The following THRB variants were observed in gnomAD, a reference collection of about 807,000 sequenced individuals.
THRB encodes the protein nuclear receptor subfamily 1 group A member 2.
In THRB, 12 loss-of-function variants were observed where a neutral mutation model predicts 47.8. The observed-to-expected ratio is 0.25, with a 90% CI of 0.16 to 0.41. The LOEUF (loss-of-function observed/expected upper bound fraction) is 0.41. Among genes scored for constraint, THRB ranks in the 10% least tolerant of loss-of-function variants. The pLI, the probability that THRB is intolerant of heterozygous loss-of-function variation, is 1.00. For missense variants in THRB, 348 were observed against 589.2 expected, an observed-to-expected ratio of 0.59 and a Z score of 4.24; for synonymous variants, 218 against 212.2, an observed-to-expected ratio of 1.03 and a Z score of -0.24.
intron 1 of THRB, among the ~76,000 whole-genome samples, chr3:24,476,514 A>T: frequency 6.6e-6 from 1 of 152,258 alleles, no homozygotes; most frequent in East Asian, 1.9e-4. Context: ...GCAAAGCTAA[A>T]TGAGTGTTGA....
At chr3:24,125,819 A>T (rs1323576997) in intron 10 of THRB, among the ~76,000 whole-genome samples, 1 of 152,164 alleles carries the variant, frequency 6.6e-6, no homozygotes, top group African/African-American at 2.4e-5. Context: ...ACAAGGGGTG[A>T]CATCAAATTT....
chr3:24,420,141 G>A (rs967274889), intron 1 of THRB, among the ~76,000 whole-genome samples: 1 of 151,930 alleles, frequency 6.6e-6, no homozygotes, highest in African/African-American at 2.4e-5. Context: ...CTTAGCAAAT[G>A]TTAGCTCCTT....
intron 1 of THRB, among the ~76,000 whole-genome samples, chr3:24,398,287 A>G (rs1394249617): frequency 6.6e-6 from 1 of 152,224 alleles, no homozygotes; most frequent in Non-Finnish European, 1.5e-5. Context: ...CATCAGAGTG[A>G]ACAGGCAACC....
intron 4 of THRB, among the ~76,000 whole-genome samples, chr3:24,202,352 C>T (rs1007316790): frequency 1.3e-5 from 2 of 152,038 alleles, no homozygotes; most frequent in African/African-American, 4.8e-5. Context: ...ATATTTGAAC[C>T]CTACACCTCA....
intron 3 of THRB, among the ~76,000 whole-genome samples, chr3:24,254,057 G>C (rs2050952977): frequency 6.6e-6 from 1 of 151,192 alleles, no homozygotes; most frequent in Admixed American, 6.6e-5. Flanking sequence ...ATAACATTTG[G>C]GTTTTTCTAA....
rs1055720077 is a variant in THRB, at chr3:24,366,199, T to C, written c.-260-28828A>G. 1.2e-4 allele frequency among the ~76,000 whole-genome samples: 18 copies of C among 152,208 alleles called. 1 individual carries two copies. The highest frequency in any genetic ancestry group is 2.4e-4 in the African/African-American group (10 of 41,454). ...GCAGTAGAGTATACACATATGTCTA[T>C]GGTACTTATAGCTATCAACCATCGT... is the stretch of plus-strand genomic sequence containing the variant. On this transcript the variant is annotated intron_variant, in intron 1 of 10. Coordinates refer to ENST00000646209, the MANE Select transcript of THRB (RefSeq NM_001354712.2).
At chr3:24,183,679 C>CT (rs35441182) in intron 5 of THRB, among the ~76,000 whole-genome samples, 3,691 of 137,050 alleles carry the variant, frequency 0.027, 84 homozygotes, top group African/African-American at 0.066. Context: ...GGCCTTTCAT[C>CT]TTTTTTTTTT....
At chr3:24,225,649 A>G (rs826223) in intron 4 of THRB, among the ~76,000 whole-genome samples, 25,683 of 152,172 alleles carry the variant, frequency 0.17, 2,629 homozygotes, top group East Asian at 0.37. Flanking sequence ...GGTATTTAAC[A>G]TTTTAGCTAC....
At chr3:24,400,084 G>C (rs2067278080) in intron 1 of THRB, among the ~76,000 whole-genome samples, 1 of 152,148 alleles carries the variant, frequency 6.6e-6, no homozygotes, top group South Asian at 2.1e-4. Flanking sequence ...TCTCTTTGCT[G>C]AGAGTTTGCT....
intron 2 of THRB, among the ~76,000 whole-genome samples, chr3:24,311,642 C>T (rs2149208066): frequency 6.6e-6 from 1 of 152,280 alleles, no homozygotes; most frequent in African/African-American, 2.4e-5. Flanking sequence ...TTGTTCTTTT[C>T]ATTTCCACCC....
At chr3:24,266,455 G>A (rs982103381) in intron 3 of THRB, among the ~76,000 whole-genome samples, 5 of 152,120 alleles carry the variant, frequency 3.3e-5, no homozygotes, top group African/African-American at 9.7e-5. Context: ...TCTGAGGGTA[G>A]TGAAGAGGCA....
intron 1 of THRB, among the ~76,000 whole-genome samples, chr3:24,481,229 G>GTGTTTTTTTTTT (rs1696316199): frequency 1.8e-5 from 1 of 55,380 alleles, no homozygotes; most frequent in African/African-American, 7.7e-5. Context: ...GTTTCTTTCT[G>GTGTTTTTTTTTT]TTTTTTTTTT....
At chr3:24,220,791 G>A (rs374147671) in intron 4 of THRB, among the ~76,000 whole-genome samples, 55 of 120,010 alleles carry the variant, frequency 4.6e-4, no homozygotes, top group African/African-American at 2.0e-3. Flanking sequence ...TTCAGTCAAG[G>A]TTAAACAAAA....
At chr3:24,264,002 G>C (rs2052370386) in intron 3 of THRB, among the ~76,000 whole-genome samples, 1 of 152,122 alleles carries the variant, frequency 6.6e-6, no homozygotes, top group Non-Finnish European at 1.5e-5. Flanking sequence ...ACATATTTAT[G>C]TCTTACTGAC....
At chr3:24,179,174 C>T (rs2041574660) in intron 5 of THRB, among the ~76,000 whole-genome samples, 1 of 152,194 alleles carries the variant, frequency 6.6e-6, no homozygotes, top group African/African-American at 2.4e-5. Context: ...GTCCTCTCTC[C>T]AGCTCTGGTC....
At chr3:24,323,633 T>C (rs2058630700) in intron 2 of THRB, among the ~76,000 whole-genome samples, 1 of 152,226 alleles carries the variant, frequency 6.6e-6, no homozygotes. Context: ...CCATGTTCAT[T>C]GTTCTATAAT....
intron 1 of THRB, among the ~76,000 whole-genome samples, chr3:24,434,670 G>A (rs1428774217): frequency 6.6e-6 from 1 of 152,184 alleles, no homozygotes; most frequent in East Asian, 1.9e-4. Context: ...ACTTCAATAT[G>A]AAGCAACCCT....
At chr3:24,262,793 C>T (rs980911425) in intron 3 of THRB, among the ~76,000 whole-genome samples, 2 of 152,142 alleles carry the variant, frequency 1.3e-5, no homozygotes, top group Non-Finnish European at 2.9e-5. Flanking sequence ...TAATATACTG[C>T]CTATTTTCCC....
At chr3:24,332,089 A>C (rs2061964888) in intron 2 of THRB, among the ~76,000 whole-genome samples, 1 of 152,136 alleles carries the variant, frequency 6.6e-6, no homozygotes, top group Non-Finnish European at 1.5e-5. Flanking sequence ...CTTTGCAACT[A>C]CGAGTCGGTA....
Sources: allele counts gnomAD v4.1 joint callset (sites outside exome capture counted in the v4.1 genomes callset), GRCh38; gene constraint gnomAD v4.1.1; transcripts MANE v1.5; gene names NCBI Gene and HGNC (gene_info 2026-07-23, HGNC 2026-07-21).